DRC8: variants seen among roughly 807,000 people sequenced by gnomAD.
DRC8 encodes the protein dynein regulatory complex protein 8.
At chr1:244,978,220 G>A in the DRC8 span, among the ~76,000 whole-genome samples, 1 of 152,220 alleles carries the variant, frequency 6.6e-6, no homozygotes, top group Non-Finnish European at 1.5e-5. Flanking sequence ...TAGGCCGGGC[G>A]CAGTGGCTCA....
the DRC8 span, among the ~76,000 whole-genome samples, chr1:245,084,872 C>G: frequency 6.6e-6 from 1 of 152,218 alleles, no homozygotes; most frequent in Non-Finnish European, 1.5e-5. Flanking sequence ...AATGGCAAGG[C>G]CGTCACAGCT....
chr1:245,091,038 A>G, the DRC8 span: 1 of 152,086 alleles, frequency 6.6e-6, no homozygotes, highest in Non-Finnish European at 1.5e-5. Flanking sequence ...ATAACCTGAG[A>G]TTTTCCCAAG....
chr1:245,122,307 G>A, the DRC8 span: 86 of 163,526 alleles, frequency 5.3e-4, no homozygotes, highest in African/African-American at 1.8e-3. Flanking sequence ...GAAGCATGGC[G>A]TTGAATGTGG....
At chr1:245,023,687 A>G in the DRC8 span, among the ~76,000 whole-genome samples, 6 of 152,110 alleles carry the variant, frequency 3.9e-5, no homozygotes, top group African/African-American at 1.4e-4. Flanking sequence ...TCATGTACTT[A>G]TTGGCCATTT....
At chr1:245,071,756 C>T in the DRC8 span, among the ~76,000 whole-genome samples, 1 of 152,188 alleles carries the variant, frequency 6.6e-6, no homozygotes, top group Non-Finnish European at 1.5e-5. Context: ...AAAGATTTTA[C>T]TTCAAAGATG....
At chr1:245,020,900 G>A in the DRC8 span, among the ~76,000 whole-genome samples, 1 of 151,724 alleles carries the variant, frequency 6.6e-6, no homozygotes, top group Non-Finnish European at 1.5e-5. Flanking sequence ...AAAGTGCTGG[G>A]ATTACAGGCG....
At chr1:245,097,929 C>T in the DRC8 span, among the ~76,000 whole-genome samples, 1 of 152,078 alleles carries the variant, frequency 6.6e-6, no homozygotes, top group African/African-American at 2.4e-5. The surrounding 1 kb of genome is among the most constrained non-coding windows in gnomAD (Gnocchi z 5.0). Flanking sequence ...GTGGGCAGGG[C>T]CCCGAGCATG....
the DRC8 span, among the ~76,000 whole-genome samples, chr1:244,989,552 A>G: frequency 6.6e-6 from 1 of 152,298 alleles, no homozygotes; most frequent in East Asian, 1.9e-4. Flanking sequence ...CATCAAGGTT[A>G]TGTACTATTA....
At chr1:245,112,290 T>C in the DRC8 span, among the ~76,000 whole-genome samples, 1 of 152,232 alleles carries the variant, frequency 6.6e-6, no homozygotes, top group African/African-American at 2.4e-5. Flanking sequence ...GTCAGGCTGG[T>C]CTTGAACTGC....
the DRC8 span, among the ~76,000 whole-genome samples, chr1:245,092,798 A>G: frequency 4.6e-5 from 7 of 152,294 alleles, no homozygotes; most frequent in African/African-American, 1.7e-4. Context: ...CAGACATTTA[A>G]TATTGCTGAG....
the DRC8 span, among the ~76,000 whole-genome samples, chr1:244,983,062 G>GAA: frequency 6.7e-6 from 1 of 150,142 alleles, no homozygotes; most frequent in African/African-American, 2.4e-5. Flanking sequence ...ATCTCCTAGG[G>GAA]AAAAAAAAAG....
the DRC8 span, among the ~76,000 whole-genome samples, chr1:245,047,889 C>T: frequency 5.4e-5 from 8 of 148,674 alleles, no homozygotes; most frequent in African/African-American, 1.7e-4. Context: ...GCAGGGGAAT[C>T]GCTTGAACCC....
At chr1:245,083,463 T>A in the DRC8 span, 1 of 1,613,858 alleles carries the variant, frequency 6.2e-7, no homozygotes, top group South Asian at 1.1e-5. Flanking sequence ...TTCCAGAAGA[T>A]GTCCTTCTTC....
At chr1:245,006,620 A>G in the DRC8 span, among the ~76,000 whole-genome samples, 2 of 152,170 alleles carry the variant, frequency 1.3e-5, no homozygotes, top group African/African-American at 2.4e-5. Context: ...TGGAAGGGAA[A>G]GAACAGAGTT....
At chr1:245,083,028 C>T in the DRC8 span, among the ~76,000 whole-genome samples, 1 of 152,016 alleles carries the variant, frequency 6.6e-6, no homozygotes, top group Non-Finnish European at 1.5e-5. Context: ...TTTATGTGGT[C>T]ATTTATTACG....
the DRC8 span, among the ~76,000 whole-genome samples, chr1:245,022,030 T>G: frequency 1.3e-5 from 2 of 152,196 alleles, no homozygotes; most frequent in East Asian, 3.9e-4. Context: ...AGCATTTTAT[T>G]TTCCTTTTTC....
chr1:245,070,845 C>T, the DRC8 span, among the ~76,000 whole-genome samples: 139 of 152,300 alleles, frequency 9.1e-4, 1 homozygote, highest in Middle Eastern at 0.01. Context: ...GCAATTAAGT[C>T]GAGAGAGTAG....
chr1:244,973,163 G>T, the DRC8 span, among the ~76,000 whole-genome samples: 2 of 152,078 alleles, frequency 1.3e-5, no homozygotes, highest in Non-Finnish European at 2.9e-5. Flanking sequence ...TTAAATAAGG[G>T]TATATACATT....
At chr1:245,076,762 A>T in the DRC8 span, among the ~76,000 whole-genome samples, 1 of 151,860 alleles carries the variant, frequency 6.6e-6, no homozygotes, top group East Asian at 1.9e-4. Flanking sequence ...TTTTGGAGAC[A>T]GAATCTTGCT....
Sources: allele counts gnomAD v4.1 joint callset (sites outside exome capture counted in the v4.1 genomes callset), GRCh38; gene constraint gnomAD v4.1.1; non-coding constraint Gnocchi (gnomAD v3.1); transcripts MANE v1.5; gene names NCBI Gene and HGNC (gene_info 2026-07-23, HGNC 2026-07-21).